LRP2: variants seen among roughly 807,000 people sequenced by gnomAD.
LRP2 encodes LDL receptor related protein 2, also known as low-density lipoprotein receptor-related protein 2.
In LRP2, 172 loss-of-function variants were observed where a neutral mutation model predicts 531.0. The ratio of observed to expected loss-of-function variants is 0.32; its 90% CI spans 0.29 to 0.37. The LOEUF (loss-of-function observed/expected upper bound fraction) is 0.37. LRP2 is among the 10% of genes least tolerant of loss of function. The probability of loss-of-function intolerance (pLI) is 1.00; values close to 1 mark genes in which losing one functional copy is unlikely to be tolerated. For missense variants in LRP2, 5,167 were observed against 5,868.3 expected (o/e 0.88, Z 3.90); for synonymous variants, 1,992 against 2,027.6 (o/e 0.98, Z 0.47).
intron 45 of LRP2, 25 bp from the exon 46 acceptor site, chr2:169,197,055 C>T (rs774794054): frequency 4.3e-5 from 69 of 1,612,460 alleles, no homozygotes; most frequent in Non-Finnish European, 5.8e-5. Flanking sequence ...GAAGATAAAA[C>T]CCATGAGCAA....
intron 31 of LRP2, among the ~76,000 whole-genome samples, chr2:169,229,854 A>G (rs1689338391): frequency 1.3e-5 from 2 of 152,242 alleles, no homozygotes; most frequent in Admixed American, 6.5e-5. Flanking sequence ...CCAGCCTCTT[A>G]GTAAACACTA....
intron 62 of LRP2, among the ~76,000 whole-genome samples, chr2:169,164,328 G>A (rs1216345379): frequency 6.6e-6 from 1 of 152,244 alleles, no homozygotes; most frequent in Admixed American, 6.5e-5. Context: ...ATTACCCAGA[G>A]GTCCTGGATT....
chr2:169,141,310 T>C (rs1433823849), intron 71 of LRP2, among the ~76,000 whole-genome samples: 1 of 152,162 alleles, frequency 6.6e-6, no homozygotes, highest in African/African-American at 2.4e-5. Flanking sequence ...ACTCACCCCA[T>C]CCTCATCCCT....
In LRP2 at chr2:169,204,289, A is replaced by T; in HGVS notation, c.7716-18T>A. The T allele has an allele frequency of 6.2e-7, 1 of 1,607,806 alleles. No homozygotes were observed. The highest frequency in any genetic ancestry group is 1.1e-5 in the South Asian group (1 of 91,072). On this transcript the variant is annotated intron_variant, in intron 41 of 78. Coordinates refer to ENST00000649046, the MANE Select transcript of LRP2 (RefSeq NM_004525.3). ...TCCTCTGCCTAAAATGAAGCAAAAA[A>T]AAATTTAGAAGTTGAAATCTCAAGT...
At position 169,188,019 on chromosome 2, in the gene LRP2, G is replaced by A. The variant is rs535680011; in HGVS notation, c.9279C>T (p.Leu3093=). The A allele has an allele frequency of 6.2e-7, 1 of 1,614,096 alleles. No homozygotes were observed. The highest frequency in any genetic ancestry group is 1.1e-5 in the South Asian group (1 of 91,068). The part of the protein sequence containing the change: ...DNGRCIEMMK[L]CNHLDDCLDN... ...CCAAACAGTCATCTAGGTGGTTGCA[G>A]AGTTTCATCATCTCGATGCAGCGCC... The change falls in exon 49 of 79, where the codon CTC becomes CTT. Residue 3093 remains leucine (L), a synonymous_variant. Coordinates refer to ENST00000649046, the MANE Select transcript of LRP2 (RefSeq NM_004525.3).
chr2:169,173,894 C>A (rs1407121993), intron 56 of LRP2, 25 bp downstream of exon 56: 4 of 1,613,666 alleles, frequency 2.5e-6, no homozygotes, highest in Non-Finnish European at 3.4e-6. Context: ...TCTGGTCATG[C>A]CTTGGTCCTC....
intron 77 of LRP2, among the ~76,000 whole-genome samples, chr2:169,130,044 C>T (rs1409192023): frequency 6.6e-6 from 1 of 152,166 alleles, no homozygotes; most frequent in Non-Finnish European, 1.5e-5. Context: ...CAAGTGAGAA[C>T]CTGCTTTGTA....
intron 1 of LRP2, among the ~76,000 whole-genome samples, chr2:169,337,879 G>A (rs545799955): frequency 6.6e-6 from 1 of 152,322 alleles, no homozygotes; most frequent in African/African-American, 2.4e-5. Flanking sequence ...GGCTGAGGCA[G>A]GAGGATCGCT....
chr2:169,180,970 A>T (rs1429563821), intron 52 of LRP2, among the ~76,000 whole-genome samples: 1 of 152,240 alleles, frequency 6.6e-6, no homozygotes, highest in East Asian at 1.9e-4. Flanking sequence ...ATTAATGTTA[A>T]CAGACTCTAC....
At chr2:169,237,428 T>A in intron 27 of LRP2, 141 bp from the exon 28 acceptor site, 1 of 666,694 alleles carries the variant, frequency 1.5e-6, no homozygotes, top group Non-Finnish European at 2.6e-6. Flanking sequence ...TCTCCTCATG[T>A]AGCTAACCAC....
At chr2:169,190,362 C>CA (rs1687787209) in intron 48 of LRP2, among the ~76,000 whole-genome samples, 1 of 152,246 alleles carries the variant, frequency 6.6e-6, no homozygotes, top group Non-Finnish European at 1.5e-5. Flanking sequence ...AATGTCCACT[C>CA]ATCAGAGGAT....
chr2:169,220,882 A>G (rs1187982015), intron 33 of LRP2, among the ~76,000 whole-genome samples: 1 of 152,126 alleles, frequency 6.6e-6, no homozygotes. Context: ...GCCTAAAGAA[A>G]CTGCAAAAAT....
intron 46 of LRP2, 38 bp from the exon 47 acceptor site, chr2:169,193,930 G>GT (rs1241317079): frequency 6.2e-7 from 1 of 1,613,704 alleles, no homozygotes. Flanking sequence ...AAAAAAAGTG[G>GT]TTTACAGTCC....
chr2:169,294,726 A>G lies in LRP2; in HGVS notation c.428-16T>C, dbSNP rs1365657182. 2 of 1,467,898 alleles carry G rather than the reference A, an allele frequency of 1.4e-6. No homozygotes were observed. The highest frequency in any genetic ancestry group is 1.4e-5 in the African/African-American group (1 of 71,150). 90.9% of individuals were successfully genotyped at this position (1,467,898 alleles called of 1,614,324 possible). On this transcript the variant is annotated splice_polypyrimidine_tract_variant and intron_variant, in intron 4 of 78. Coordinates refer to ENST00000649046, the MANE Select transcript of LRP2 (RefSeq NM_004525.3). ...GTTGGGTACTCTATTGTAAAAAAAA[A>G]AAAAAAAAAAAAAAGGAAAAGGAAA...
chr2:169,282,912 T>C lies in LRP2; in HGVS notation c.1132A>G (p.Ile378Val). 6.2e-7 allele frequency: 1 copy of C among 1,614,130 alleles called. No individual in the cohort carries two copies. Among genetic ancestry groups the C allele is most frequent in the Admixed American group, 1.7e-5 (1 of 60,022 alleles). The change falls in exon 10 of 79, where the codon ATC (isoleucine) becomes GTC (valine). Residue 378 changes from isoleucine (I) to valine (V), a missense_variant. Transcript: ENST00000649046. ...TTGCAATACTGTCCACGCTCCAAGA[T>C]ATACCCTTCTTCACAGTGGCACAGG... ...RHLCHCEEGY[I>V]LERGQYCKAN...
At chr2:169,278,087 A>C (rs1683601731) in intron 12 of LRP2, 136 bp from the exon 13 acceptor site, 1 of 723,152 alleles carries the variant, frequency 1.4e-6, no homozygotes, top group Non-Finnish European at 2.3e-6. Flanking sequence ...CAACAGGGAA[A>C]TTAAGTTGTT....
intron 7 of LRP2, 72 bp from the exon 8 acceptor site, chr2:169,291,069 A>G: frequency 7.2e-7 from 1 of 1,398,588 alleles, no homozygotes; most frequent in Non-Finnish European, 1.0e-6. Context: ...TCAGTGGTTT[A>G]CAGAGGATGT....
At position 169,270,994 on chromosome 2, in the gene LRP2, CAAAG is replaced by C; in HGVS notation, c.2226_2229del (p.Phe742LeufsTer22). 6.2e-7 allele frequency: 1 copy of C among 1,613,240 alleles called. No homozygotes were observed. Among genetic ancestry groups the C allele is most frequent in the Non-Finnish European group, 8.5e-7 (1 of 1,179,606 alleles). ...TCCTGGGCGTCAAAATCAATCCCGA[CAAAG>C]AAAGAAGGATTCCCCGAAACTGGAA... On this transcript the variant is annotated frameshift_variant, in exon 16 of 79. Transcript: ENST00000649046. LOFTEE classifies it high-confidence loss of function.
chr2:169,238,357 A>T (rs1314831831), intron 26 of LRP2, 55 bp from the exon 27 acceptor site: 2 of 1,185,088 alleles, frequency 1.7e-6, no homozygotes, highest in East Asian at 4.8e-5. Context: ...AACACAAAAC[A>T]ACTCTTTAAA....
Sources: allele counts gnomAD v4.1 joint callset (sites outside exome capture counted in the v4.1 genomes callset), GRCh38; gene constraint gnomAD v4.1.1; transcripts MANE v1.5; gene names NCBI Gene and HGNC (gene_info 2026-07-23, HGNC 2026-07-21).